NKAIN3: variants seen among roughly 807,000 people sequenced by gnomAD.
The protein encoded by NKAIN3 is sodium/potassium-transporting ATPase subunit beta-1-interacting protein 3.
Under a neutral mutation model 30.2 loss-of-function variants are expected in NKAIN3, and 25 were observed. The observed-to-expected ratio is 0.83, with a 90% CI of 0.60 to 1.16. NKAIN3 has a LOEUF of 1.16. Among genes scored for constraint, NKAIN3 ranks in the 50% most tolerant of loss-of-function variants. NKAIN3 has a pLI of 0.00. For missense variants in NKAIN3, 225 were observed against 254.1 expected (o/e 0.89, Z 0.78); for synonymous variants, 91 against 89.6 (o/e 1.02, Z -0.09).
intron 1 of NKAIN3, among the ~76,000 whole-genome samples, chr8:62,454,113 C>T (rs1393949434): frequency 1.3e-5 from 2 of 151,620 alleles, no homozygotes; most frequent in African/African-American, 4.8e-5. Context: ...TGCTCAGAGT[C>T]ACTTAGCCAA....
chr8:62,571,852 C>T (rs1809951212), intron 1 of NKAIN3, among the ~76,000 whole-genome samples: 1 of 152,102 alleles, frequency 6.6e-6, no homozygotes, highest in Non-Finnish European at 1.5e-5. Flanking sequence ...CACCAAATCC[C>T]TAGGCTGCAC....
intron 4 of NKAIN3, among the ~76,000 whole-genome samples, chr8:62,766,872 G>C (rs1322733908): frequency 6.6e-6 from 1 of 152,140 alleles, no homozygotes; most frequent in Non-Finnish European, 1.5e-5. Flanking sequence ...GTTTGGGCTT[G>C]AGCAGGTTCC....
intron 1 of NKAIN3, among the ~76,000 whole-genome samples, chr8:62,539,131 C>CAG (rs1808760377): frequency 6.6e-6 from 1 of 152,164 alleles, no homozygotes; most frequent in Non-Finnish European, 1.5e-5. Flanking sequence ...TGTCCTGAAA[C>CAG]GTGTTTATCA....
chr8:62,406,765 C>A (rs1482730583), intron 1 of NKAIN3, among the ~76,000 whole-genome samples: 1 of 152,110 alleles, frequency 6.6e-6, no homozygotes, highest in Admixed American at 6.5e-5. Flanking sequence ...GTGTTCCTGT[C>A]TCTAACTCTG....
chr8:62,545,822 A>G (rs1272433030), intron 1 of NKAIN3, among the ~76,000 whole-genome samples: 1 of 152,194 alleles, frequency 6.6e-6, no homozygotes, highest in Admixed American at 6.6e-5. Context: ...AATCAAATAG[A>G]TTCCTAGAAA....
At chr8:62,953,213 T>A (rs924674380) in intron 5 of NKAIN3, among the ~76,000 whole-genome samples, 2 of 152,172 alleles carry the variant, frequency 1.3e-5, no homozygotes, top group African/African-American at 4.8e-5. Context: ...AGTGCTATAA[T>A]GCAACCAAAG....
chr8:62,645,285 G>A (rs1478069446), intron 3 of NKAIN3, among the ~76,000 whole-genome samples: 1 of 152,018 alleles, frequency 6.6e-6, no homozygotes, highest in African/African-American at 2.4e-5. Flanking sequence ...TTTATACTTT[G>A]GACAAAACCT....
At chr8:62,419,118 C>T (rs1481018068) in intron 1 of NKAIN3, among the ~76,000 whole-genome samples, 1 of 152,126 alleles carries the variant, frequency 6.6e-6, no homozygotes, top group Non-Finnish European at 1.5e-5. Flanking sequence ...GGACTATATA[C>T]TGGCCATTGA....
At chr8:62,483,457 C>G (rs1032153506) in intron 1 of NKAIN3, 1 of 169,594 alleles carries the variant, frequency 5.9e-6, no homozygotes, top group South Asian at 1.5e-4. Context: ...GAGTGTCAGG[C>G]TGAGCAGATG....
chr8:62,328,974 T>C (rs1297896140), intron 1 of NKAIN3, among the ~76,000 whole-genome samples: 2 of 152,122 alleles, frequency 1.3e-5, no homozygotes, highest in African/African-American at 4.8e-5. Context: ...AAAGATCGAC[T>C]TCCATCTTTT....
intron 3 of NKAIN3, among the ~76,000 whole-genome samples, chr8:62,667,363 A>ATATATATATG (rs1554561923): frequency 5.6e-5 from 3 of 53,406 alleles, no homozygotes; most frequent in Admixed American, 3.5e-4. Flanking sequence ...ATATATCTGT[A>ATATATATATG]TATATATATA....
intron 1 of NKAIN3, among the ~76,000 whole-genome samples, chr8:62,279,202 T>G (rs1813083446): frequency 6.6e-6 from 1 of 152,238 alleles, no homozygotes; most frequent in Non-Finnish European, 1.5e-5. Context: ...GTTCATATCC[T>G]TCACCCACTT....
At chr8:62,502,318 A>G (rs1563428525) in intron 1 of NKAIN3, among the ~76,000 whole-genome samples, 1 of 151,986 alleles carries the variant, frequency 6.6e-6, no homozygotes, top group Non-Finnish European at 1.5e-5. Context: ...ACTACTCCTT[A>G]CCACTCAACT....
At chr8:62,667,851 C>A (rs563785783) in intron 3 of NKAIN3, among the ~76,000 whole-genome samples, 2 of 152,238 alleles carry the variant, frequency 1.3e-5, no homozygotes, top group African/African-American at 4.8e-5. Flanking sequence ...GCCTCTTTTA[C>A]AATCATCCAC....
chr8:62,583,894 T>A (rs535025752), intron 2 of NKAIN3, among the ~76,000 whole-genome samples: 1 of 152,336 alleles, frequency 6.6e-6, no homozygotes, highest in Non-Finnish European at 1.5e-5. Flanking sequence ...ATGAGAAATC[T>A]GTTCACAAAA....
chr8:62,869,495 A>C (rs1820525438), intron 4 of NKAIN3, among the ~76,000 whole-genome samples: 1 of 152,232 alleles, frequency 6.6e-6, no homozygotes, highest in Non-Finnish European at 1.5e-5. Flanking sequence ...AAGAAAAGAA[A>C]ATTGTTTTAT....
At chr8:62,295,799 ATTTG>A (rs140960119) in intron 1 of NKAIN3, among the ~76,000 whole-genome samples, 4,219 of 152,202 alleles carry the variant, frequency 0.028, 93 homozygotes, top group Middle Eastern at 0.075. Flanking sequence ...AATTAATTAT[ATTTG>A]TTTGTTTGTG....
chr8:62,501,049 A>G lies in NKAIN3; in HGVS notation c.55-78490A>G, dbSNP rs999703029. On this transcript the variant is annotated intron_variant, in intron 1 of 6. Coordinates refer to ENST00000623646, the MANE Select transcript of NKAIN3 (RefSeq NM_001304533.3). Reference sequence around the variant, plus strand: ...ATTATATTCACATAAACATATTCTTATACATGTTCCTTTTTTTCTAGTTAT... The same window carrying G: ...ATTATATTCACATAAACATATTCTTGTACATGTTCCTTTTTTTCTAGTTAT... 3.3e-5 allele frequency among the ~76,000 whole-genome samples: 5 copies of G among 152,292 alleles called. No individual in the cohort carries two copies. In the East Asian group the frequency reaches 7.7e-4, roughly 24 times the overall value.
intron 3 of NKAIN3, among the ~76,000 whole-genome samples, chr8:62,596,464 G>A (rs1461161843): frequency 1.3e-5 from 2 of 151,968 alleles, no homozygotes; most frequent in Non-Finnish European, 2.9e-5. Context: ...TCTCCTAATG[G>A]CTTCCTGATG....
Sources: allele counts gnomAD v4.1 joint callset (sites outside exome capture counted in the v4.1 genomes callset), GRCh38; gene constraint gnomAD v4.1.1; transcripts MANE v1.5; gene names NCBI Gene and HGNC (gene_info 2026-07-23, HGNC 2026-07-21).